Variants in TAF6L observed in about 807,000 individuals in gnomAD.
The protein encoded by TAF6L is TAF6-like RNA polymerase II p300/CBP-associated factor-associated factor 65 kDa subunit 6L.
In TAF6L, 34 loss-of-function variants were observed where a neutral mutation model predicts 57.3. The ratio of observed to expected loss-of-function variants is 0.59; its 90% CI spans 0.45 to 0.79. The LOEUF is 0.79. TAF6L is among the 30% of genes least tolerant of loss of function. The pLI, the probability that TAF6L is intolerant of heterozygous loss-of-function variation, is 0.00. For synonymous variants in TAF6L, 417 were observed against 376.3 expected, an observed-to-expected ratio of 1.11 and a Z score of -1.25; for missense variants, 782 against 853.2, an observed-to-expected ratio of 0.92 and a Z score of 1.04.
At chr11:62,775,712 C>T (rs1201072734) in intron 1 of TAF6L, 59 bp from the exon 2 acceptor site, 1 of 1,522,276 alleles carries the variant, frequency 6.6e-7, no homozygotes, top group Non-Finnish European at 8.8e-7. Flanking sequence ...TGTTGGATCA[C>T]ACTCCTGGGC....
At chr11:62,780,749 G>GCAAAACCC (rs2084222974) in intron 6 of TAF6L, among the ~76,000 whole-genome samples, 2 of 151,060 alleles carry the variant, frequency 1.3e-5, no homozygotes, top group African/African-American at 2.4e-5. Flanking sequence ...GGCCAACATG[G>GCAAAACCC]TGATTTCCCG....
chr11:62,775,694 G>T, intron 1 of TAF6L, 77 bp from the exon 2 acceptor site: 1 of 1,456,566 alleles, frequency 6.9e-7, no homozygotes, highest in Non-Finnish European at 9.2e-7. Context: ...CAAGGCTGGT[G>T]TGGAGGGTGT....
chr11:62,783,349 G>A (rs1010853349), intron 9 of TAF6L, among the ~76,000 whole-genome samples: 12 of 152,004 alleles, frequency 7.9e-5, no homozygotes, highest in Non-Finnish European at 1.2e-4. Flanking sequence ...TGGTGTGGTG[G>A]CGGGCGCCTG....
At chr11:62,783,759 C>T (rs1017522330) in intron 9 of TAF6L, among the ~76,000 whole-genome samples, 6 of 151,720 alleles carry the variant, frequency 4.0e-5, no homozygotes, top group African/African-American at 1.5e-4. Context: ...TCTCAAACTC[C>T]TAGCCTCAAG....
Position 62,778,037 on chromosome 11 carries a change from A to C in TAF6L, c.294A>C (p.Glu98Asp), listed in dbSNP as rs1275638695. 6.2e-7 allele frequency: 1 copy of C among 1,614,088 alleles called. No homozygotes were observed. The highest frequency in any genetic ancestry group is 1.7e-5 in the Admixed American group (1 of 59,998). Residue 98 changes from glutamate to aspartate, a missense_variant, in exon 4 of 11, where the codon GAA becomes GAC. Glu to Asp is a conservative substitution (Grantham distance 45). Transcript: ENST00000294168. ...ALPMRPAREG[E>D]LYFPEDREVN... ...CCATGCGCCCCGCCAGGGAGGGTGA[A>C]CTCTACTTTCCTGAGGATCGAGAGG...
rs764562011 is a variant in TAF6L at position 62,786,285 on chromosome 11, A to C, written c.986A>C (p.His329Pro). 1 of 1,614,040 alleles carries C rather than the reference A, an allele frequency of 6.2e-7. No individual in the cohort carries two copies. The highest frequency in any genetic ancestry group is 2.2e-5 in the East Asian group (1 of 44,876). The part of the protein sequence containing the change: ...WKAVERVLYP[H>P]LSTYWTNLQA... The stretch of plus-strand genomic sequence containing the variant: ...GCAGTAGAACGAGTCCTGTACCCAC[A>C]CCTGTCCACCTACTGGACAAACTTG... The change falls in exon 10 of 11, where the codon CAC becomes CCC. Residue 329 changes from histidine (H) to proline (P), a missense_variant. His to Pro is a moderately conservative substitution (Grantham distance 77, BLOSUM62 -2). Around this residue, in one of 3 missense-constraint regions of TAF6L, gnomAD observed 483 missense variants for 445.1 expected, o/e 1.09. Transcript: ENST00000294168.
chr11:62,779,952 C>CTA (rs1225374367), intron 6 of TAF6L, among the ~76,000 whole-genome samples: 1,333 of 100,010 alleles, frequency 0.013, 67 homozygotes, highest in African/African-American at 0.055. Flanking sequence ...AGGCGTGAGC[C>CTA]TATATATATA....
In TAF6L at chr11:62,776,452, CAGAT is replaced by C. The variant is rs1162446895; in HGVS notation, c.217_220del (p.Arg73GlyfsTer34). On this transcript the variant is annotated frameshift_variant, in exon 3 of 11. Transcript: ENST00000294168. LOFTEE classifies it high-confidence loss of function. ...CGGTTGAGGACTTCAACAGGGCCCTCAGATGGAGCAGCGTGGAGGTGAGTGGGGT... is the reference window on the plus strand; with the variant it reads ...CGGTTGAGGACTTCAACAGGGCCCTCGGAGCAGCGTGGAGGTGAGTGGGGT... The C allele has an allele frequency of 1.2e-6, 2 of 1,613,756 alleles. No homozygotes were observed. Among genetic ancestry groups the C allele is most frequent in the South Asian group, 1.1e-5 (1 of 91,080 alleles).
At chr11:62,781,712 C>T in intron 6 of TAF6L, 182 bp from the exon 7 acceptor site, 1 of 566,132 alleles carries the variant, frequency 1.8e-6, no homozygotes. Flanking sequence ...GGGCCATATG[C>T]AGGTATATGT....
chr11:62,772,246 G>T (rs2084154112), intron 1 of TAF6L: 4 of 413,298 alleles, frequency 9.7e-6, no homozygotes, highest in South Asian at 6.9e-5. Context: ...TCGTGGCCGG[G>T]CGCGGTGGCT....
rs1205888751 is a variant in TAF6L at position 62,785,538 on chromosome 11, CT to C, written c.961-708del. On this transcript the variant is annotated intron_variant, in intron 9 of 10. Transcript: ENST00000294168. Reference sequence around the variant, plus strand: ...GCTGGTATTTTCCTTATAGTTAATTCTTTTTTTTTTTTTTGAGACGGAGTCT... The same window carrying C: ...GCTGGTATTTTCCTTATAGTTAATTCTTTTTTTTTTTTTGAGACGGAGTCT... 7.8e-3 allele frequency among the ~76,000 whole-genome samples: 1,066 copies of C among 136,222 alleles called. 5 individuals are homozygous for C. The highest frequency in any genetic ancestry group is 0.019 in the African/African-American group (713 of 37,182). 89.4% of individuals were successfully genotyped at this position (136,222 alleles called of 152,430 possible). A position where few individuals can be genotyped will look rare whatever the true frequency, so the allele number is the denominator to read the frequency against.
At chr11:62,779,214 A>C (rs2084209296) in intron 6 of TAF6L, among the ~76,000 whole-genome samples, 1 of 151,006 alleles carries the variant, frequency 6.6e-6, no homozygotes, top group African/African-American at 2.4e-5. Flanking sequence ...TTTGTTTTTG[A>C]AACGGAGTCT....
chr11:62,776,578 T>TGAGCCACCATGCCC, intron 3 of TAF6L, 108 bp downstream of exon 3: 5 of 1,091,252 alleles, frequency 4.6e-6, no homozygotes, highest in Non-Finnish European at 5.4e-6. Flanking sequence ...CTGCCGGGCA[T>TGAGCCACCATGCCC]GGTGGCTCAT....
chr11:62,787,200 C>A lies in TAF6L; in HGVS notation c.1773C>A (p.Ala591=). ...AFPAPYGPSP[A]SRYVQKLPMI... is the part of the protein sequence containing the mutation. ...CCGCGCCGTACGGGCCTAGCCCGGCCTCGCGCTACGTGCAGAAACTGCCCA... is the reference window on the plus strand; with the variant it reads ...CCGCGCCGTACGGGCCTAGCCCGGCATCGCGCTACGTGCAGAAACTGCCCA... The change falls in exon 11 of 11, where the codon GCC becomes GCA. Residue 591 remains alanine, a synonymous_variant. Coordinates refer to ENST00000294168, the MANE Select transcript of TAF6L (RefSeq NM_006473.4). 1.3e-6 allele frequency: 2 copies of A among 1,588,916 alleles called. No homozygotes were observed. The highest frequency in any genetic ancestry group is 1.1e-5 in the South Asian group (1 of 90,120).
chr11:62,786,494 A>G (rs761915976), intron 10 of TAF6L, 23 bp from the exon 11 acceptor site: 95 of 1,571,856 alleles, frequency 6.0e-5, no homozygotes, highest in African/African-American at 6.8e-5. Flanking sequence ...TTTTTTGCCT[A>G]TCTTAGTCCT....
chr11:62,778,889 C>G lies in TAF6L; in HGVS notation c.457C>G (p.Leu153Val). Residue 153 changes from leucine to valine, a missense_variant, in exon 6 of 11, where the codon CTG becomes GTG. Transcript: ENST00000294168. The part of the protein sequence containing the change: ...QGSVPSAVSS[L>V]TDDLLKYYHQ... Reference sequence around the variant, plus strand: ...GGCAGTGCCCAGTGCTGTGTCTTCACTGACAGATGACCTTCTCAAGTACTA... The same window carrying G: ...GGCAGTGCCCAGTGCTGTGTCTTCAGTGACAGATGACCTTCTCAAGTACTA... The G allele has an allele frequency of 6.2e-7, 1 of 1,614,164 alleles. No homozygotes were observed. The highest frequency in any genetic ancestry group is 8.5e-7 in the Non-Finnish European group (1 of 1,180,024).
chr11:62,775,986 T>C (rs1254044837), intron 2 of TAF6L, 56 bp downstream of exon 2: 4 of 1,554,414 alleles, frequency 2.6e-6, no homozygotes, highest in Non-Finnish European at 3.5e-6. Context: ...GCCTTTTTAC[T>C]AACCTCCACC....
rs555567083 is a variant in TAF6L at position 62,782,575 on chromosome 11, A to G, written c.828-118A>G. On this transcript the variant is annotated intron_variant, in intron 8 of 10. Coordinates refer to ENST00000294168, the MANE Select transcript of TAF6L (RefSeq NM_006473.4). ...CCAGTCACCCCTGGCAGCCTTCTTC[A>G]CTTAACCCCAGCACTCCCGAGTGTG... is the stretch of plus-strand genomic sequence containing the variant. The G allele has an allele frequency of 6.6e-5, 96 of 1,456,396 alleles. No homozygotes were observed. The African/African-American group carries it at 1.2e-3, about 19-fold the overall frequency. The allele number at this position is 1,456,396 out of a possible 1,614,324, so 90.2% of individuals were successfully genotyped here.
At position 62,786,799 on chromosome 11, in the gene TAF6L, A is replaced by G; in HGVS notation, c.1372A>G (p.Thr458Ala). The change falls in exon 11 of 11, where the codon ACC (threonine) becomes GCC (alanine). Residue 458 changes from threonine to alanine, a missense_variant. Thr to Ala is a moderately conservative substitution (Grantham distance 58, BLOSUM62 0). Around this residue, in one of 3 missense-constraint regions of TAF6L, gnomAD observed 483 missense variants for 445.1 expected, o/e 1.09. Transcript: ENST00000294168. ...TGACAGCTTGGCCACACGCTTTGGCACCGGCCAGCCTGCACCCACGGCTCC... is the reference window on the plus strand; with the variant it reads ...TGACAGCTTGGCCACACGCTTTGGCGCCGGCCAGCCTGCACCCACGGCTCC... Reference protein sequence around the residue: ...FGDSLATRFGTGQPAPTAPRP... With the variant: ...FGDSLATRFGAGQPAPTAPRP... 1 of 1,609,422 alleles carries G rather than the reference A, an allele frequency of 6.2e-7. No homozygotes were observed. The highest frequency in any genetic ancestry group is 8.5e-7 in the Non-Finnish European group (1 of 1,179,642).
Sources: gnomAD v4.1 joint callset for allele counts (sites outside exome capture counted in the v4.1 genomes callset) on GRCh38, gnomAD v4.1.1 for gene constraint, gnomAD v4.1.1 regional missense constraint, MANE v1.5 for transcripts, NCBI Gene and HGNC (gene_info 2026-07-23, HGNC 2026-07-21) for gene names.